Variants in EPHA5 observed in about 807,000 individuals in gnomAD.
EPHA5 encodes ephrin type-A receptor 5.
Under a neutral mutation model 105.0 loss-of-function variants are expected in EPHA5, and 60 were observed. The ratio of observed to expected loss-of-function variants is 0.57; its 90% CI spans 0.46 to 0.71. EPHA5 has a LOEUF of 0.71. Among genes scored for constraint, EPHA5 ranks in the 30% least tolerant of loss-of-function variants. The probability of loss-of-function intolerance (pLI) is 0.00; values close to 1 mark genes in which losing one functional copy is unlikely to be tolerated. For missense variants in EPHA5, 1,218 were observed against 1,274.7 expected (o/e 0.96, Z 0.68); for synonymous variants, 513 against 449.1 (o/e 1.14, Z -1.80).
chr4:65,649,186 C>T (rs556775488), intron 1 of EPHA5, among the ~76,000 whole-genome samples: 4 of 152,292 alleles, frequency 2.6e-5, no homozygotes, highest in East Asian at 1.9e-4. Flanking sequence ...ATGTCAGGTG[C>T]TCTACAAGGC....
At chr4:65,596,561 G>T (rs1256316418) in intron 3 of EPHA5, among the ~76,000 whole-genome samples, 2 of 152,012 alleles carry the variant, frequency 1.3e-5, no homozygotes, top group Non-Finnish European at 2.9e-5. Flanking sequence ...CTAAAAGTAG[G>T]CCAGGGAGCA....
chr4:65,589,245 C>CG (rs1440268666), intron 3 of EPHA5, among the ~76,000 whole-genome samples: 1 of 126,000 alleles, frequency 7.9e-6, no homozygotes, highest in Non-Finnish European at 1.7e-5. Context: ...TGCTAACAGA[C>CG]GTTTTTTTTT....
At chr4:65,340,072 G>A (rs996490209) in intron 14 of EPHA5, among the ~76,000 whole-genome samples, 4 of 152,026 alleles carry the variant, frequency 2.6e-5, no homozygotes, top group Admixed American at 2.0e-4. Flanking sequence ...ATATTGTATC[G>A]TGACATGGTA....
intron 3 of EPHA5, among the ~76,000 whole-genome samples, chr4:65,539,081 A>G (rs780408031): frequency 6.6e-6 from 1 of 151,706 alleles, no homozygotes; most frequent in Non-Finnish European, 1.5e-5. Flanking sequence ...TCTAATACAT[A>G]GGCTAAGTGG....
chr4:65,344,628 G>A (rs954685481), intron 14 of EPHA5, among the ~76,000 whole-genome samples: 4 of 152,124 alleles, frequency 2.6e-5, no homozygotes, highest in African/African-American at 4.8e-5. Flanking sequence ...ATCAAGGCTC[G>A]CTGCCAGGAT....
In EPHA5 at chr4:65,351,675, C is replaced by A. The variant is rs892034814; in HGVS notation, c.2236-77G>T. 3.2e-5 allele frequency: 41 copies of A among 1,290,782 alleles called. No individual in the cohort carries two copies. In the African/African-American group the frequency reaches 5.0e-4, roughly 16 times the overall value. 80.0% of individuals were successfully genotyped at this position (1,290,782 alleles called of 1,614,324 possible). Reference sequence around the variant, plus strand: ...AAATATGAGAGGTCTGTATTCAATCCCCCAAATTGATACTATCAGTCGCTA... The same window carrying A: ...AAATATGAGAGGTCTGTATTCAATCACCCAAATTGATACTATCAGTCGCTA... On this transcript the variant is annotated intron_variant, in intron 12 of 16. Coordinates refer to ENST00000613740, the MANE Select transcript of EPHA5 (RefSeq NM_001281766.3).
chr4:65,655,302 T>C (rs1337938742), intron 1 of EPHA5, among the ~76,000 whole-genome samples: 1 of 152,096 alleles, frequency 6.6e-6, no homozygotes, highest in Non-Finnish European at 1.5e-5. Context: ...GAAGTACTTT[T>C]TTTTAAACTA....
chr4:65,535,049 C>G (rs1486733535), intron 3 of EPHA5, among the ~76,000 whole-genome samples: 1 of 152,130 alleles, frequency 6.6e-6, no homozygotes, highest in African/African-American at 2.4e-5. Flanking sequence ...AAATAAATAG[C>G]TTGTGCTTGC....
rs764460627 is a variant in EPHA5, at chr4:65,669,735, C to A, written c.8G>T (p.Gly3Val). The A allele has an allele frequency of 2.1e-5, 27 of 1,260,858 alleles. No individual in the cohort carries two copies. Among genetic ancestry groups the A allele is most frequent in the Middle Eastern group, 6.0e-4 (2 of 3,340 alleles). The allele number at this position is 1,260,858 out of a possible 1,614,324, so 78.1% of individuals were successfully genotyped here. A position where few individuals can be genotyped will look rare whatever the true frequency, so the allele number is the denominator to read the frequency against. Residue 3 changes from glycine to valine, a missense_variant, in exon 1 of 17, where the codon GGC (glycine) becomes GTC (valine). Physicochemically the swap from Gly to Val is moderately radical, Grantham distance 109. Coordinates refer to ENST00000613740, the MANE Select transcript of EPHA5 (RefSeq NM_001281766.3). ...GCGTCCCGCACCCCGGGGCCCCGAG[C>A]CCCGCATCTTCTCCGAGCCTCCTCC... is the stretch of plus-strand genomic sequence containing the variant. MR[G>V]SGPRGAGRRR...
intron 5 of EPHA5, among the ~76,000 whole-genome samples, chr4:65,489,105 G>A (rs1485111967): frequency 6.6e-6 from 1 of 151,768 alleles, no homozygotes; most frequent in African/African-American, 2.4e-5. Context: ...CACTGTGTTA[G>A]CCAGGATGGT....
At chr4:65,592,581 A>G (rs1379349083) in intron 3 of EPHA5, among the ~76,000 whole-genome samples, 2 of 152,314 alleles carry the variant, frequency 1.3e-5, no homozygotes, top group East Asian at 3.9e-4. Context: ...AGTGGCTGTT[A>G]CCTGATAACC....
At chr4:65,535,202 T>C (rs1446822013) in intron 3 of EPHA5, among the ~76,000 whole-genome samples, 2 of 152,202 alleles carry the variant, frequency 1.3e-5, no homozygotes, top group Admixed American at 6.5e-5. Context: ...TTCTTACTAA[T>C]CTATTAATAT....
In EPHA5 at chr4:65,490,630, A is replaced by G; in HGVS notation, c.1149T>C (p.Thr383=). ...VFLEWIPPAD[T]GGRKDVSYYI... ...AATATGACACGTCTTTCCTTCCACC[A>G]GTGTCAGCAGGCGGAATCCATTCCA... Residue 383 remains threonine (T), a synonymous_variant, in exon 5 of 17, where the codon ACT becomes ACC. Coordinates refer to ENST00000613740, the MANE Select transcript of EPHA5 (RefSeq NM_001281766.3). The G allele has an allele frequency of 6.2e-7, 1 of 1,614,138 alleles. No individual in the cohort carries two copies.
At chr4:65,663,541 C>G (rs1749718329) in intron 1 of EPHA5, among the ~76,000 whole-genome samples, 1 of 151,934 alleles carries the variant, frequency 6.6e-6, no homozygotes, top group Non-Finnish European at 1.5e-5. Flanking sequence ...TCTTATGTAT[C>G]TTATAGCACT....
At chr4:65,427,623 G>A (rs1278098914) in intron 5 of EPHA5, among the ~76,000 whole-genome samples, 2 of 152,162 alleles carry the variant, frequency 1.3e-5, no homozygotes, top group African/African-American at 4.8e-5. Flanking sequence ...CTTCACAAAG[G>A]TGGAAAAGGG....
chr4:65,582,156 A>AAAT (rs1291912823), intron 3 of EPHA5, among the ~76,000 whole-genome samples: 3 of 151,716 alleles, frequency 2.0e-5, no homozygotes, highest in Non-Finnish European at 4.4e-5. Flanking sequence ...CTGAAGGAAA[A>AAAT]AATAATTTAA....
At chr4:65,631,726 C>T (rs762857924) in intron 2 of EPHA5, among the ~76,000 whole-genome samples, 37 of 83,104 alleles carry the variant, frequency 4.5e-4, no homozygotes, top group Admixed American at 3.1e-3. Context: ...TACCCTAAAA[C>T]TTAAAGTATA....
At chr4:65,399,844 A>G (rs1398108463) in intron 8 of EPHA5, among the ~76,000 whole-genome samples, 1 of 152,174 alleles carries the variant, frequency 6.6e-6, no homozygotes, top group Non-Finnish European at 1.5e-5. Flanking sequence ...TTAATCCCAT[A>G]ATGAAGGTTG....
intron 1 of EPHA5, among the ~76,000 whole-genome samples, chr4:65,654,187 T>G (rs2149534038): frequency 6.6e-6 from 1 of 151,992 alleles, no homozygotes; most frequent in South Asian, 2.1e-4. Flanking sequence ...AAACACAGAC[T>G]TCTGTCTTCA....
Sources: gnomAD v4.1 joint callset for allele counts (sites outside exome capture counted in the v4.1 genomes callset) on GRCh38, gnomAD v4.1.1 for gene constraint, MANE v1.5 for transcripts, NCBI Gene and HGNC (gene_info 2026-07-23, HGNC 2026-07-21) for gene names.